Variants in ADGRL3 observed in about 807,000 individuals in gnomAD.
The protein encoded by ADGRL3 is adhesion G protein-coupled receptor L3, also known as calcium-independent alpha-latrotoxin receptor 3.
In ADGRL3, 62 loss-of-function variants were observed where a neutral mutation model predicts 153.5. That is an observed-to-expected ratio of 0.40 (90% CI 0.33 to 0.50). The LOEUF (loss-of-function observed/expected upper bound fraction) is 0.50, where lower values mean the gene tolerates loss of function less well. Among genes scored for constraint, ADGRL3 ranks in the 20% least tolerant of loss-of-function variants. ADGRL3 has a pLI of 0.47. For missense variants in ADGRL3, 1,641 were observed against 1,859.4 expected (o/e 0.88, Z 2.16); for synonymous variants, 710 against 672.5 (o/e 1.06, Z -0.86).
chr4:61,937,985 G>A (rs1312932159), intron 15 of ADGRL3, among the ~76,000 whole-genome samples: 3 of 152,082 alleles, frequency 2.0e-5, no homozygotes, highest in South Asian at 2.1e-4. Flanking sequence ...TTGAACTCCT[G>A]GCCTCAAGGG....
intron 6 of ADGRL3, among the ~76,000 whole-genome samples, chr4:61,714,603 TG>T (rs2096070413): frequency 6.6e-6 from 1 of 152,144 alleles, no homozygotes; most frequent in Non-Finnish European, 1.5e-5. Flanking sequence ...GCCATCTGCT[TG>T]TGTGCTGTGG....
chr4:61,907,526 G>T (rs574112500), intron 11 of ADGRL3, among the ~76,000 whole-genome samples: 15 of 151,430 alleles, frequency 9.9e-5, no homozygotes, highest in Admixed American at 2.0e-4. Flanking sequence ...CAAAGTGCTG[G>T]GATTACAGGC....
intron 1 of ADGRL3, among the ~76,000 whole-genome samples, chr4:61,284,387 C>G (rs1333859603): frequency 6.6e-6 from 1 of 151,872 alleles, no homozygotes; most frequent in Admixed American, 6.6e-5. Context: ...TCAGGTTATT[C>G]CATTGCTTTT....
chr4:61,441,178 A>C (rs1241498874), intron 2 of ADGRL3, among the ~76,000 whole-genome samples: 1 of 152,094 alleles, frequency 6.6e-6, no homozygotes, highest in African/African-American at 2.4e-5. Flanking sequence ...GTATCTCCAA[A>C]AGCCTGACCA....
intron 1 of ADGRL3, among the ~76,000 whole-genome samples, chr4:61,291,611 C>CATATATAT (rs1352050467): frequency 1.0e-4 from 1 of 9,642 alleles, no homozygotes; most frequent in African/African-American, 2.5e-4. Flanking sequence ...TATACACACA[C>CATATATAT]ATATATATAT....
chr4:61,854,721 A>C (rs1361282705), intron 9 of ADGRL3, among the ~76,000 whole-genome samples: 2 of 152,212 alleles, frequency 1.3e-5, no homozygotes, highest in Admixed American at 6.5e-5. Flanking sequence ...GTGAGGAAAG[A>C]GGAAAAAAGT....
intron 2 of ADGRL3, among the ~76,000 whole-genome samples, chr4:61,443,436 G>A (rs2097548043): frequency 6.6e-6 from 1 of 152,026 alleles, no homozygotes; most frequent in African/African-American, 2.4e-5. Flanking sequence ...AAGTTAAAAA[G>A]TAAATAATGA....
Position 61,516,592 on chromosome 4 carries a change from CT to C in ADGRL3, c.56-715del, listed in dbSNP as rs572558957. On this transcript the variant is annotated intron_variant, in intron 3 of 26. Coordinates refer to ENST00000683033, the MANE Select transcript of ADGRL3 (RefSeq NM_001387552.1). ...GAATTATTTTTAAAAATCATGTATA[CT>C]TTTTTTTCATTATTGTCTTGGTCTT... Among the ~76,000 whole-genome samples the C allele has an allele frequency of 1.1e-3, 171 of 151,806 alleles. 3 individuals carry two copies. Among genetic ancestry groups the C allele is most frequent in the Admixed American group, 1.0e-3 (16 of 15,240 alleles).
intron 9 of ADGRL3, among the ~76,000 whole-genome samples, chr4:61,864,098 C>A (rs868077946): frequency 3.9e-5 from 6 of 152,292 alleles, no homozygotes; most frequent in Middle Eastern, 3.4e-3. Context: ...AGATACTGTA[C>A]TCAATGCTGC....
chr4:61,730,229 T>C (rs2096416127), intron 6 of ADGRL3, among the ~76,000 whole-genome samples: 1 of 151,928 alleles, frequency 6.6e-6, no homozygotes, highest in Non-Finnish European at 1.5e-5. Flanking sequence ...TAAACTATAA[T>C]ATTTATAAGT....
chr4:61,548,371 A>G (rs944363272), intron 4 of ADGRL3, among the ~76,000 whole-genome samples: 2 of 150,450 alleles, frequency 1.3e-5, no homozygotes, highest in Non-Finnish European at 3.0e-5. Context: ...TGTGTCCGCA[A>G]TGATATTTTC....
intron 2 of ADGRL3, among the ~76,000 whole-genome samples, chr4:61,489,785 A>G (rs1224270554): frequency 1.3e-5 from 2 of 152,074 alleles, no homozygotes; most frequent in Non-Finnish European, 2.9e-5. Flanking sequence ...TGAATTTGCA[A>G]CAAAATGTTT....
chr4:61,979,832 C>T, intron 18 of ADGRL3, 60 bp downstream of exon 18: 1 of 1,328,742 alleles, frequency 7.5e-7, no homozygotes, highest in Non-Finnish European at 1.1e-6. Context: ...TTCAGTAGCG[C>T]CAATACTAAA....
chr4:61,974,576 C>T (rs115897483), intron 17 of ADGRL3, among the ~76,000 whole-genome samples: 2,856 of 152,194 alleles, frequency 0.019, 100 homozygotes, highest in African/African-American at 0.066. Context: ...ATGTGAATTA[C>T]TTATCACAAT....
chr4:61,637,276 T>C (rs2093465055), intron 5 of ADGRL3, among the ~76,000 whole-genome samples: 1 of 152,112 alleles, frequency 6.6e-6, no homozygotes. Flanking sequence ...AACACAGGCA[T>C]GCACACACAC....
At chr4:61,539,067 A>G (rs1384962494) in intron 4 of ADGRL3, among the ~76,000 whole-genome samples, 1 of 152,198 alleles carries the variant, frequency 6.6e-6, no homozygotes. Flanking sequence ...AAATGGGCTC[A>G]GGGCAGAGCC....
intron 1 of ADGRL3, among the ~76,000 whole-genome samples, chr4:61,308,155 C>T (rs545410968): frequency 1.3e-5 from 2 of 152,150 alleles, no homozygotes; most frequent in Non-Finnish European, 2.9e-5. Flanking sequence ...AGAGAAGGGC[C>T]TCACCCTGGA....
intron 6 of ADGRL3, among the ~76,000 whole-genome samples, chr4:61,678,320 A>G (rs920939330): frequency 1.3e-5 from 2 of 152,044 alleles, no homozygotes; most frequent in African/African-American, 4.8e-5. Flanking sequence ...GTTTTAGGCA[A>G]CTTACATTCA....
chr4:61,843,558 A>G (rs1386743814), intron 9 of ADGRL3, among the ~76,000 whole-genome samples: 2 of 152,220 alleles, frequency 1.3e-5, no homozygotes, highest in African/African-American at 2.4e-5. Context: ...GGCAAAACTA[A>G]GAGCATGATA....
Sources: gnomAD v4.1 joint callset for allele counts (sites outside exome capture counted in the v4.1 genomes callset) on GRCh38, gnomAD v4.1.1 for gene constraint, MANE v1.5 for transcripts, NCBI Gene and HGNC (gene_info 2026-07-23, HGNC 2026-07-21) for gene names.